CDYL: variants seen among roughly 807,000 people sequenced by gnomAD.
CDYL encodes chromodomain Y like, also known as chromodomain Y-like protein.
A neutral mutation model predicts 47.3 loss-of-function variants in CDYL; 8 were observed. The ratio of observed to expected loss-of-function variants is 0.17; its 90% CI spans 0.10 to 0.31. CDYL has a LOEUF of 0.31. Among genes scored for constraint, CDYL ranks in the 10% least tolerant of loss-of-function variants. The pLI is 1.00. For synonymous variants in CDYL, 266 were observed against 265.0 expected, an observed-to-expected ratio of 1.00 and a Z score of -0.04; for missense variants, 471 against 701.4, an observed-to-expected ratio of 0.67 and a Z score of 3.71.
At chr6:4,784,181 T>C (rs1427535341) in intron 1 of CDYL, among the ~76,000 whole-genome samples, 3 of 152,224 alleles carry the variant, frequency 2.0e-5, no homozygotes, top group Non-Finnish European at 4.4e-5. Context: ...CTTCGAAATA[T>C]TCTGGGGAGT....
At chr6:4,710,943 ACAC>A (rs879835306) in intron 1 of CDYL, among the ~76,000 whole-genome samples, 2,844 of 151,048 alleles carry the variant, frequency 0.019, 36 homozygotes, top group Middle Eastern at 0.072. Context: ...ACACACACAC[ACAC>A]AAAGGTAACT....
chr6:4,895,950 C>A (rs6916304), intron 2 of CDYL, among the ~76,000 whole-genome samples: 1 of 152,062 alleles, frequency 6.6e-6, no homozygotes, highest in Admixed American at 6.5e-5. Flanking sequence ...CCTTGTTGTG[C>A]GGAGTTGGGA....
chr6:4,860,534 G>A lies in CDYL; in HGVS notation c.25-31179G>A, dbSNP rs114271244. Among the ~76,000 whole-genome samples the A allele has an allele frequency of 4.6e-3, 675 of 146,310 alleles. 4 individuals carry two copies. The highest frequency in any genetic ancestry group is 0.016 in the African/African-American group (654 of 40,158). On this transcript the variant is annotated intron_variant, in intron 1 of 6. Transcript: ENST00000397588. ...AAAAAATATATATATAATGTATATT[G>A]TATATCATGTATATATTACATATTA... is the stretch of plus-strand genomic sequence containing the variant.
At chr6:4,769,965 T>TTGTGTG (rs58041362) in intron 3 of CDYL, among the ~76,000 whole-genome samples, 2,219 of 137,876 alleles carry the variant, frequency 0.016, 22 homozygotes, top group Admixed American at 0.019. Flanking sequence ...CCCGGCTAAT[T>TTGTGTG]TGTGTGTGTG....
intron 5 of CDYL, among the ~76,000 whole-genome samples, chr6:4,947,571 A>C (rs1468783958): frequency 6.6e-6 from 1 of 152,140 alleles, no homozygotes; most frequent in Non-Finnish European, 1.5e-5. Context: ...TGTGCCAGGT[A>C]CTGTGGCTTC....
At chr6:4,922,410 T>G (rs537431960) in intron 2 of CDYL, among the ~76,000 whole-genome samples, 39 of 152,344 alleles carry the variant, frequency 2.6e-4, no homozygotes, top group African/African-American at 7.9e-4. Flanking sequence ...GATGATTAAT[T>G]AATATGTGAA....
chr6:4,723,927 G>C (rs978176493), intron 2 of CDYL, among the ~76,000 whole-genome samples: 1 of 152,234 alleles, frequency 6.6e-6, no homozygotes, highest in Non-Finnish European at 1.5e-5. Flanking sequence ...CTCCTGATCT[G>C]CTTTCGGTTA....
chr6:4,807,263 A>G (rs886587498), intron 1 of CDYL, among the ~76,000 whole-genome samples: 1 of 152,166 alleles, frequency 6.6e-6, no homozygotes, highest in African/African-American at 2.4e-5. Context: ...TCGCTTATAG[A>G]TGGGGTATAT....
rs375126209 is a variant in CDYL at position 4,779,537 on chromosome 6, C to G, written c.24+2730C>G. Among the ~76,000 whole-genome samples, 13 of 152,146 alleles carry G rather than the reference C, an allele frequency of 8.5e-5. 1 individual carries two copies. In the East Asian group the frequency reaches 1.7e-3, roughly 20 times the overall value. On this transcript the variant is annotated intron_variant, in intron 1 of 6. Coordinates refer to ENST00000397588, the MANE Select transcript of CDYL (RefSeq NM_004824.4). ...TGTTTAAATGGCTATTGAAACTAGG[C>G]TTTGTGAACAAAAAATAAAGGAACA...
chr6:4,794,299 G>C (rs1039922908), intron 1 of CDYL, among the ~76,000 whole-genome samples: 3 of 152,090 alleles, frequency 2.0e-5, no homozygotes, highest in African/African-American at 4.8e-5. Context: ...AGGAGGGAAC[G>C]AGCCCCACTG....
intron 2 of CDYL, among the ~76,000 whole-genome samples, chr6:4,895,812 A>G (rs569240848): frequency 6.6e-6 from 1 of 152,348 alleles, no homozygotes; most frequent in African/African-American, 2.4e-5. Flanking sequence ...TTCTTATATA[A>G]GGAAGATAAT....
At chr6:4,821,542 T>G (rs1759837767) in intron 1 of CDYL, among the ~76,000 whole-genome samples, 1 of 152,086 alleles carries the variant, frequency 6.6e-6, no homozygotes, top group African/African-American at 2.4e-5. Flanking sequence ...GAGGCCATCC[T>G]GGCCAACATG....
chr6:4,732,430 G>A (rs925803011), intron 2 of CDYL, among the ~76,000 whole-genome samples: 2 of 152,134 alleles, frequency 1.3e-5, no homozygotes, highest in African/African-American at 4.8e-5. Context: ...GAGGCTGGAG[G>A]ATCACTTGAG....
chr6:4,715,648 A>T (rs3812183), intron 1 of CDYL: 78 of 1,250,966 alleles, frequency 6.2e-5, no homozygotes, highest in Non-Finnish European at 8.5e-5. Context: ...CTCAGATTCA[A>T]TGTAGAACTG....
intron 1 of CDYL, among the ~76,000 whole-genome samples, chr6:4,785,279 T>G (rs978429279): frequency 9.2e-5 from 14 of 152,266 alleles, no homozygotes; most frequent in African/African-American, 2.9e-4. Context: ...TGAGAACATA[T>G]CACTGTAGTT....
intron 4 of CDYL, among the ~76,000 whole-genome samples, chr6:4,943,207 G>A (rs750064049): frequency 5.9e-5 from 9 of 152,060 alleles, no homozygotes; most frequent in Non-Finnish European, 1.3e-4. Context: ...CTGTGTCTTC[G>A]AGGGAAGACA....
intron 2 of CDYL, among the ~76,000 whole-genome samples, chr6:4,717,821 C>A (rs1428541044): frequency 2.7e-5 from 4 of 145,696 alleles, no homozygotes; most frequent in Non-Finnish European, 6.0e-5. Flanking sequence ...ATTGTCTTCA[C>A]AGACATCACC....
intron 1 of CDYL, among the ~76,000 whole-genome samples, chr6:4,885,759 T>A (rs1164219619): frequency 6.6e-6 from 1 of 152,216 alleles, no homozygotes; most frequent in Non-Finnish European, 1.5e-5. Flanking sequence ...TTTTTGAGAT[T>A]AACTCACATA....
chr6:4,774,676 TA>T (rs2127426604), upstream of CDYL: 1 of 152,454 alleles, frequency 6.6e-6, no homozygotes, highest in South Asian at 2.1e-4. Context: ...AGAATGGTGC[TA>T]GGGGCCAGCG....
Sources: gnomAD v4.1 joint callset for allele counts (sites outside exome capture counted in the v4.1 genomes callset) on GRCh38, gnomAD v4.1.1 for gene constraint, MANE v1.5 for transcripts, NCBI Gene and HGNC (gene_info 2026-07-23, HGNC 2026-07-21) for gene names.